The following LDAH variants were observed in gnomAD, a reference collection of about 807,000 sequenced individuals.
LDAH encodes lipid droplet-associated hydrolase.
A neutral mutation model predicts 29.6 loss-of-function variants in LDAH; 26 were observed. The ratio of observed to expected loss-of-function variants is 0.88; its 90% CI spans 0.64 to 1.22. LDAH has a LOEUF of 1.22. Ranked by LOEUF, LDAH falls within the 50% of genes most tolerant of loss-of-function variation. The pLI is 0.00. For missense variants in LDAH, 344 were observed against 387.3 expected, an observed-to-expected ratio of 0.89 and a Z score of 0.94; for synonymous variants, 117 against 133.0, an observed-to-expected ratio of 0.88 and a Z score of 0.83.
At chr2:20,783,734 C>T (rs1183393193) in intron 3 of LDAH, among the ~76,000 whole-genome samples, 1 of 152,166 alleles carries the variant, frequency 6.6e-6, no homozygotes, top group South Asian at 2.1e-4. Flanking sequence ...GTTTTAAAGA[C>T]AAGATCTCAC....
chr2:20,683,393 TC>T (rs528817601), downstream of LDAH, among the ~76,000 whole-genome samples: 274 of 152,336 alleles, frequency 1.8e-3, 1 homozygote, highest in Non-Finnish European at 3.4e-3. Flanking sequence ...GCACACTCAG[TC>T]CCAGCCTCCA....
At chr2:20,687,902 C>A (rs539601699) in intron 6 of LDAH, among the ~76,000 whole-genome samples, 1 of 152,294 alleles carries the variant, frequency 6.6e-6, no homozygotes, top group Admixed American at 6.5e-5. Flanking sequence ...CTACAAAAAC[C>A]AAGAACTAAA....
intron 3 of LDAH, among the ~76,000 whole-genome samples, chr2:20,777,519 G>T (rs1445754131): frequency 2.0e-5 from 3 of 152,050 alleles, no homozygotes; most frequent in African/African-American, 7.2e-5. Flanking sequence ...CCGCCTCCCG[G>T]GTTCAAGCAA....
intron 4 of LDAH, among the ~76,000 whole-genome samples, chr2:20,773,331 A>G (rs1669561200): frequency 6.6e-6 from 1 of 152,094 alleles, no homozygotes; most frequent in Non-Finnish European, 1.5e-5. Context: ...AAAAAAGGAC[A>G]ATAAATATTG....
chr2:20,710,821 C>T (rs944626525), intron 5 of LDAH, among the ~76,000 whole-genome samples: 3 of 151,186 alleles, frequency 2.0e-5, no homozygotes, highest in South Asian at 4.2e-4. Context: ...GGGAAAAAGA[C>T]AGTTTGTGGT....
At chr2:20,789,374 C>G in intron 3 of LDAH, 1 of 1,493,252 alleles carries the variant, frequency 6.7e-7, no homozygotes, top group African/African-American at 1.4e-5. Flanking sequence ...CATCAGACAT[C>G]GAATCTGCCA....
intron 1 of LDAH, among the ~76,000 whole-genome samples, chr2:20,815,110 C>T (rs1672761326): frequency 1.3e-5 from 2 of 151,716 alleles, no homozygotes; most frequent in African/African-American, 2.4e-5. Flanking sequence ...AAAGTAAGAA[C>T]CAAAAATAAT....
chr2:20,701,798 G>C, intron 5 of LDAH, 146 bp from the exon 6 acceptor site: 1 of 672,950 alleles, frequency 1.5e-6, no homozygotes, highest in Non-Finnish European at 2.6e-6. Flanking sequence ...AGAGGAATGT[G>C]AGTCAGGCAA....
At chr2:20,696,971 C>G (rs1663539424) in intron 6 of LDAH, among the ~76,000 whole-genome samples, 1 of 152,148 alleles carries the variant, frequency 6.6e-6, no homozygotes, top group Admixed American at 6.5e-5. Flanking sequence ...TAGAAGTCTT[C>G]TCTCCTTATT....
chr2:20,724,968 T>C (rs1035620655), intron 5 of LDAH, among the ~76,000 whole-genome samples: 3 of 152,198 alleles, frequency 2.0e-5, no homozygotes, highest in African/African-American at 2.4e-5. Context: ...GGTTTCATTA[T>C]GACAGGTGAA....
chr2:20,714,998 T>C (rs1415963599), intron 5 of LDAH, among the ~76,000 whole-genome samples: 4 of 152,090 alleles, frequency 2.6e-5, no homozygotes, highest in South Asian at 2.1e-4. Context: ...TTCCAATCAA[T>C]AGAAAAAGAG....
chr2:20,804,431 A>T (rs1671926122), intron 1 of LDAH, among the ~76,000 whole-genome samples: 1 of 152,220 alleles, frequency 6.6e-6, no homozygotes, highest in Non-Finnish European at 1.5e-5. Context: ...TGAAAAGCTG[A>T]AAAAACTAAA....
chr2:20,778,793 A>C (rs1195898187), intron 3 of LDAH, among the ~76,000 whole-genome samples: 1 of 152,094 alleles, frequency 6.6e-6, no homozygotes, highest in Admixed American at 6.5e-5. Context: ...ACCTTTTCCC[A>C]CTCTACCCAA....
chr2:20,777,218 A>G (rs1669878399), intron 3 of LDAH, among the ~76,000 whole-genome samples: 1 of 152,138 alleles, frequency 6.6e-6, no homozygotes, highest in African/African-American at 2.4e-5. Context: ...AGGTCCTAAA[A>G]CATTGTATTT....
intron 3 of LDAH, among the ~76,000 whole-genome samples, chr2:20,775,915 C>T (rs1669791429): frequency 6.6e-6 from 1 of 152,158 alleles, no homozygotes; most frequent in African/African-American, 2.4e-5. Context: ...GTGACTAGTA[C>T]ACAGCAAATG....
intron 3 of LDAH, among the ~76,000 whole-genome samples, chr2:20,786,253 T>C (rs753165287): frequency 6.6e-6 from 1 of 152,040 alleles, no homozygotes; most frequent in Non-Finnish European, 1.5e-5. Flanking sequence ...GCAGTGGCAC[T>C]ATCTCGGCTC....
Position 20,686,762 on chromosome 2 carries a change from G to T in LDAH, c.*141C>A. ...TTTACTTCAGCCTATAACATGGCGA[G>T]CGGAGAGTTGGTTTGTAAGACAAAG... On this transcript the variant is annotated 3_prime_UTR_variant, in exon 7 of 7. Transcript: ENST00000237822. 1 of 702,866 alleles carries T rather than the reference G, an allele frequency of 1.4e-6. No homozygotes were observed. Among genetic ancestry groups the T allele is most frequent in the Non-Finnish European group, 2.3e-6 (1 of 425,768 alleles). The allele number at this position is 702,866 out of a possible 1,614,324, so 43.5% of individuals were successfully genotyped here.
chr2:20,718,844 A>C (rs1665436011), intron 5 of LDAH, among the ~76,000 whole-genome samples: 1 of 152,164 alleles, frequency 6.6e-6, no homozygotes, highest in African/African-American at 2.4e-5. Flanking sequence ...TAAAACTAGA[A>C]TCTTTGCAAA....
intron 4 of LDAH, among the ~76,000 whole-genome samples, chr2:20,760,970 C>T (rs1317771075): frequency 6.6e-6 from 1 of 152,208 alleles, no homozygotes; most frequent in African/African-American, 2.4e-5. Context: ...TTTCCTTTCA[C>T]TTACAGCAGT....
Sources: gnomAD v4.1 joint callset for allele counts (sites outside exome capture counted in the v4.1 genomes callset) on GRCh38, gnomAD v4.1.1 for gene constraint, MANE v1.5 for transcripts, NCBI Gene and HGNC (gene_info 2026-07-23, HGNC 2026-07-21) for gene names.